The following PDE4D variants were observed in gnomAD, a reference collection of about 807,000 sequenced individuals.
PDE4D encodes the protein phosphodiesterase 4D.
A neutral mutation model predicts 87.4 loss-of-function variants in PDE4D; 24 were observed. That is an observed-to-expected ratio of 0.27 (90% confidence interval 0.20 to 0.39). The LOEUF (loss-of-function observed/expected upper bound fraction) is 0.39. PDE4D is among the 10% of genes least tolerant of loss of function. PDE4D has a pLI of 1.00. For missense variants in PDE4D, 714 were observed against 1,041.0 expected (o/e 0.69, Z 4.32); for synonymous variants, 384 against 383.2 (o/e 1.00, Z -0.02).
intron 1 of PDE4D, among the ~76,000 whole-genome samples, chr5:60,205,203 A>G (rs1742359835): frequency 6.6e-6 from 1 of 152,030 alleles, no homozygotes; most frequent in African/African-American, 2.4e-5. Context: ...CACTGCCTGG[A>G]GCACCACAAA....
At chr5:59,529,038 G>A (rs1414775993) in intron 1 of PDE4D, 1 of 466,796 alleles carries the variant, frequency 2.1e-6, no homozygotes, top group Non-Finnish European at 4.3e-6. Flanking sequence ...AACCACCAAG[G>A]GCTCATCGAA....
chr5:58,988,316 A>G (rs1286907304), intron 11 of PDE4D, among the ~76,000 whole-genome samples, 177 bp downstream of exon 11: 1 of 152,240 alleles, frequency 6.6e-6, no homozygotes, highest in African/African-American at 2.4e-5. Flanking sequence ...ACATGCCTCA[A>G]GGGATATAAT....
intron 1 of PDE4D, among the ~76,000 whole-genome samples, chr5:59,691,057 A>G (rs1440020881): frequency 3.3e-5 from 5 of 152,262 alleles, no homozygotes; most frequent in African/African-American, 1.2e-4. Context: ...CAATCATTAA[A>G]AAGTAAGGAA....
intron 1 of PDE4D, among the ~76,000 whole-genome samples, chr5:60,338,404 T>C (rs1298465300): frequency 6.6e-6 from 1 of 152,198 alleles, no homozygotes. Context: ...CCGCCGCCAC[T>C]GAAAGCCAAT....
chr5:59,326,464 T>G (rs1409743590), intron 1 of PDE4D, among the ~76,000 whole-genome samples: 2 of 152,216 alleles, frequency 1.3e-5, no homozygotes, highest in East Asian at 3.9e-4. Context: ...AACTATTAAA[T>G]ACTTAAAATA....
At chr5:59,194,126 C>T (rs1744930672) in intron 2 of PDE4D, among the ~76,000 whole-genome samples, 1 of 152,080 alleles carries the variant, frequency 6.6e-6, no homozygotes, top group South Asian at 2.1e-4. Context: ...CTGCAGCAAC[C>T]CCAGCTACAC....
rs1283940888 is a variant in PDE4D at position 58,971,109 on chromosome 5, T to C, written c.*3555A>G. ...ACCTATTGGCAGAATTCTAATCAAT[T>C]AAAAGCCTGGATGTAAAATGCCCAG... On this transcript the variant is annotated 3_prime_UTR_variant, in exon 15 of 15. Transcript: ENST00000340635. 1 of 152,120 alleles carries C rather than the reference T, an allele frequency of 6.6e-6. No individual in the cohort carries two copies. The highest frequency in any genetic ancestry group is 1.5e-5 in the Non-Finnish European group (1 of 68,018). The allele number at this position is 152,120 out of a possible 1,614,324, so 9.4% of individuals were successfully genotyped here. A position where few individuals can be genotyped will look rare whatever the true frequency, so the allele number is the denominator to read the frequency against.
intron 1 of PDE4D, among the ~76,000 whole-genome samples, chr5:59,395,036 C>G (rs147781920): frequency 0.42 from 63,685 of 151,844 alleles, 13,671 homozygotes; most frequent in East Asian, 0.49. Flanking sequence ...GCTTAAAAAA[C>G]AGCACACCAC....
chr5:59,043,563 T>TTTA (rs1760064770), intron 5 of PDE4D, among the ~76,000 whole-genome samples: 2 of 152,162 alleles, frequency 1.3e-5, no homozygotes, highest in Non-Finnish European at 2.9e-5. Flanking sequence ...CCAGATTTTT[T>TTTA]TTATTATTAC....
chr5:59,094,945 C>T (rs1386380247), intron 5 of PDE4D, among the ~76,000 whole-genome samples: 2 of 151,968 alleles, frequency 1.3e-5, no homozygotes, highest in Non-Finnish European at 2.9e-5. Flanking sequence ...ACCATTGAAT[C>T]CGGGAATCAA....
intron 1 of PDE4D, among the ~76,000 whole-genome samples, chr5:59,706,292 C>T (rs1164976169): frequency 6.6e-6 from 1 of 152,072 alleles, no homozygotes; most frequent in Non-Finnish European, 1.5e-5. Flanking sequence ...GTGAGGATTT[C>T]AGGGTCGCTT....
Position 60,442,457 on chromosome 5 carries a change from G to A in PDE4D, c.-90+45485C>T, listed in dbSNP as rs142630081. On this transcript the variant is annotated intron_variant, in intron 1 of 16. Transcript: ENST00000502484. ...GCCTGTCAGGGGGTGGGGGGACTAG[G>A]GGAGGGATAGAGGAAATACCTAATG... Among the ~76,000 whole-genome samples the A allele has an allele frequency of 5.0e-3, 762 of 152,206 alleles. 5 individuals carry two copies. The highest frequency in any genetic ancestry group is 8.2e-3 in the Non-Finnish European group (555 of 67,986).
At chr5:60,190,643 C>T (rs1450018111) in intron 1 of PDE4D, among the ~76,000 whole-genome samples, 1 of 152,194 alleles carries the variant, frequency 6.6e-6, no homozygotes, top group Non-Finnish European at 1.5e-5. Flanking sequence ...CCTGGGACAA[C>T]ACAATAATGA....
intron 1 of PDE4D, among the ~76,000 whole-genome samples, chr5:59,745,319 GC>G (rs139464321): frequency 0.015 from 2,267 of 152,260 alleles, 61 homozygotes; most frequent in African/African-American, 0.052. Context: ...GCTCCATGGA[GC>G]CTTCAATTGA....
chr5:60,463,540 C>A (rs1583846520), intron 1 of PDE4D, among the ~76,000 whole-genome samples: 1 of 152,152 alleles, frequency 6.6e-6, no homozygotes, highest in Non-Finnish European at 1.5e-5. Context: ...ATCGGGAGGT[C>A]TTGGGTGAGG....
intron 1 of PDE4D, among the ~76,000 whole-genome samples, chr5:60,421,928 C>A (rs1381451339): frequency 5.9e-5 from 9 of 151,772 alleles, no homozygotes; most frequent in Admixed American, 5.2e-4. Flanking sequence ...TAGATCAAGT[C>A]GAAGAAAGGA....
intron 1 of PDE4D, among the ~76,000 whole-genome samples, chr5:60,473,214 G>T (rs1747990264): frequency 6.8e-6 from 1 of 147,760 alleles, no homozygotes; most frequent in Admixed American, 6.8e-5. Context: ...AGAAAAGAAA[G>T]AGAAAGAAAG....
intron 1 of PDE4D, among the ~76,000 whole-genome samples, chr5:59,525,176 T>C (rs1335667346): frequency 6.6e-6 from 1 of 152,128 alleles, no homozygotes; most frequent in African/African-American, 2.4e-5. Flanking sequence ...AGACACTCAA[T>C]GCCAGCCCAT....
intron 1 of PDE4D, among the ~76,000 whole-genome samples, chr5:59,805,624 T>C (rs1175417449): frequency 6.6e-6 from 1 of 152,214 alleles, no homozygotes; most frequent in Non-Finnish European, 1.5e-5. Context: ...TGTTGGATGT[T>C]GGGGTACTGC....
Sources: gnomAD v4.1 joint callset for allele counts (sites outside exome capture counted in the v4.1 genomes callset) on GRCh38, gnomAD v4.1.1 for gene constraint, MANE v1.5 for transcripts, NCBI Gene and HGNC (gene_info 2026-07-23, HGNC 2026-07-21) for gene names.